Variants in ATRNL1 observed in about 807,000 individuals in gnomAD.
ATRNL1 encodes attractin-like protein 1.
ATRNL1 carries 95 observed loss-of-function variants against 182.7 expected under a neutral mutation model. The ratio of observed to expected loss-of-function variants is 0.52; its 90% CI spans 0.44 to 0.62. The LOEUF is 0.62. Ranked by LOEUF, ATRNL1 falls within the 20% of genes least tolerant of loss-of-function variation. The pLI is 0.00. For missense variants in ATRNL1, 1,471 were observed against 1,679.5 expected (o/e 0.88, Z 2.17); for synonymous variants, 576 against 568.3 (o/e 1.01, Z -0.19).
At position 115,302,058 on chromosome 10, in the gene ATRNL1, A is replaced by G. The variant is rs1254525099; in HGVS notation, c.2818+15A>G. On this transcript the variant is annotated intron_variant, in intron 17 of 28. Transcript: ENST00000355044. ...CACCTGCTCCCGTAAGTATTTATCT[A>G]GAGTGACTTTTCACTTGACAGCAAC... 2 of 1,582,314 alleles carry G rather than the reference A, an allele frequency of 1.3e-6. No individual in the cohort carries two copies. The highest frequency in any genetic ancestry group is 1.7e-6 in the Non-Finnish European group (2 of 1,160,524).
rs116240700 is a variant in ATRNL1 at position 115,190,461 on chromosome 10, T to G, written c.1348+19169T>G. ...CTTAACATTCTTTCACTGATGGATATATCAGTGCCTTAAAAGGCAGCCATT... is the reference window on the plus strand; with the variant it reads ...CTTAACATTCTTTCACTGATGGATAGATCAGTGCCTTAAAAGGCAGCCATT... On this transcript the variant is annotated intron_variant, in intron 8 of 28. Transcript: ENST00000355044. Among the ~76,000 whole-genome samples, 942 of 152,234 alleles carry G rather than the reference T, an allele frequency of 6.2e-3. 4 individuals are homozygous for G. Among genetic ancestry groups the G allele is most frequent in the African/African-American group, 0.02 (834 of 41,576 alleles).
chr10:115,829,899 T>G (rs1181531190), intron 27 of ATRNL1, among the ~76,000 whole-genome samples: 1 of 152,208 alleles, frequency 6.6e-6, no homozygotes, highest in Non-Finnish European at 1.5e-5. Flanking sequence ...TTTACATGAC[T>G]AATTTTAATT....
At chr10:115,669,811 A>G (rs1555040827) in intron 26 of ATRNL1, among the ~76,000 whole-genome samples, 1 of 152,146 alleles carries the variant, frequency 6.6e-6, no homozygotes, top group Non-Finnish European at 1.5e-5. Context: ...ATTCCCATAT[A>G]TGATGATGTT....
chr10:115,176,060 G>A (rs1021915268), intron 8 of ATRNL1, among the ~76,000 whole-genome samples: 2 of 152,192 alleles, frequency 1.3e-5, no homozygotes, highest in Non-Finnish European at 2.9e-5. Flanking sequence ...CTGATGGCCA[G>A]TGATGATGAG....
chr10:115,121,698 G>T lies in ATRNL1; in HGVS notation c.378-1G>T. On this transcript the variant is annotated splice_acceptor_variant, in intron 2 of 28. Coordinates refer to ENST00000355044, the MANE Select transcript of ATRNL1 (RefSeq NM_207303.4). LOFTEE classifies it high-confidence loss of function. Reference sequence around the variant, plus strand: ...GAAAAATATTTCATATTCATTTTCAGTCCAAATGCAGTGTTAAGATTAAGA... The same window carrying T: ...GAAAAATATTTCATATTCATTTTCATTCCAAATGCAGTGTTAAGATTAAGA... 1 of 1,400,092 alleles carries T rather than the reference G, an allele frequency of 7.1e-7. No individual in the cohort carries two copies. Among genetic ancestry groups the T allele is most frequent in the Non-Finnish European group, 9.8e-7 (1 of 1,025,140 alleles). The allele number at this position is 1,400,092 out of a possible 1,614,324, so 86.7% of individuals were successfully genotyped here. A position where few individuals can be genotyped will look rare whatever the true frequency, so the allele number is the denominator to read the frequency against.
At chr10:115,473,739 C>T (rs1554972561) in intron 24 of ATRNL1, among the ~76,000 whole-genome samples, 1 of 151,252 alleles carries the variant, frequency 6.6e-6, no homozygotes, top group African/African-American at 2.4e-5. Flanking sequence ...ATAATTGATT[C>T]AATCACCTTA....
chr10:115,943,430 T>C (rs558582583), intron 28 of ATRNL1, among the ~76,000 whole-genome samples: 115 of 152,292 alleles, frequency 7.6e-4, no homozygotes, highest in South Asian at 5.2e-3. Flanking sequence ...GTGCTCAGCA[T>C]CATATGTCAT....
chr10:115,463,288 C>G (rs1277003249), intron 22 of ATRNL1, among the ~76,000 whole-genome samples: 9 of 151,824 alleles, frequency 5.9e-5, no homozygotes, highest in Admixed American at 3.9e-4. Flanking sequence ...TTATGTTACT[C>G]TTTATTCCCT....
At chr10:115,782,821 G>T (rs1016752208) in intron 27 of ATRNL1, among the ~76,000 whole-genome samples, 1 of 152,098 alleles carries the variant, frequency 6.6e-6, no homozygotes. Context: ...CTATATAAAA[G>T]GGTTTCTAGG....
chr10:115,700,986 G>T (rs1946717298), intron 26 of ATRNL1, among the ~76,000 whole-genome samples: 1 of 151,940 alleles, frequency 6.6e-6, no homozygotes, highest in Admixed American at 6.6e-5. Context: ...AACTACACCT[G>T]TTAACCACAG....
Position 115,772,473 on chromosome 10 carries a change from G to T in ATRNL1, c.3903+45118G>T, listed in dbSNP as rs114565697. ...TTAGATGAAGCTCAAAAATGAAAAA[G>T]ATTTTAATGAAAAGCAAATGCAGTA... On this transcript the variant is annotated intron_variant, in intron 27 of 28. Coordinates refer to ENST00000355044, the MANE Select transcript of ATRNL1 (RefSeq NM_207303.4). 5.2e-3 allele frequency among the ~76,000 whole-genome samples: 784 copies of T among 152,012 alleles called. 2 individuals carry two copies. The highest frequency in any genetic ancestry group is 0.018 in the African/African-American group (730 of 41,476).
chr10:115,200,150 G>A (rs1195565368), intron 8 of ATRNL1, among the ~76,000 whole-genome samples: 2 of 151,390 alleles, frequency 1.3e-5, no homozygotes, highest in African/African-American at 4.8e-5. Flanking sequence ...TTTCATTTCT[G>A]CTGAATTTAG....
chr10:115,216,420 A>C, intron 9 of ATRNL1, among the ~76,000 whole-genome samples: 1 of 152,168 alleles, frequency 6.6e-6, no homozygotes, highest in East Asian at 1.9e-4. Flanking sequence ...CAACACTTGA[A>C]AATTGTGAGA....
intron 27 of ATRNL1, among the ~76,000 whole-genome samples, chr10:115,736,827 G>T (rs188294690): frequency 6.6e-6 from 1 of 152,060 alleles, no homozygotes; most frequent in African/African-American, 2.4e-5. Flanking sequence ...GAGTGCAGTG[G>T]CATGATCTCA....
chr10:115,477,755 T>G (rs1477036702), intron 24 of ATRNL1, among the ~76,000 whole-genome samples: 2 of 151,660 alleles, frequency 1.3e-5, no homozygotes, highest in African/African-American at 2.4e-5. Context: ...AATAAGACTA[T>G]CCTTCTGAAA....
intron 19 of ATRNL1, among the ~76,000 whole-genome samples, chr10:115,350,334 C>CAA (rs1424122017): frequency 0.017 from 517 of 29,690 alleles, 114 homozygotes; most frequent in African/African-American, 0.079. Context: ...GACTCTGTCT[C>CAA]AAAAAAAAAA....
At chr10:115,126,552 A>G (rs1410209672) in intron 3 of ATRNL1, among the ~76,000 whole-genome samples, 2 of 152,206 alleles carry the variant, frequency 1.3e-5, no homozygotes, top group African/African-American at 4.8e-5. Flanking sequence ...TTGCTTCACA[A>G]ACATAACCTA....
At chr10:115,919,351 G>C (rs946801102) in intron 28 of ATRNL1, among the ~76,000 whole-genome samples, 4 of 152,192 alleles carry the variant, frequency 2.6e-5, no homozygotes, top group Non-Finnish European at 5.9e-5. Context: ...TGTTCACTCA[G>C]CCCGGAGGAA....
At chr10:115,626,721 C>G (rs1220830119) in intron 26 of ATRNL1, among the ~76,000 whole-genome samples, 1 of 152,042 alleles carries the variant, frequency 6.6e-6, no homozygotes, top group African/African-American at 2.4e-5. Context: ...GGTGAATTGT[C>G]ACAGTAAAGA....
Sources: gnomAD v4.1 joint callset for allele counts (sites outside exome capture counted in the v4.1 genomes callset) on GRCh38, gnomAD v4.1.1 for gene constraint, MANE v1.5 for transcripts, NCBI Gene and HGNC (gene_info 2026-07-23, HGNC 2026-07-21) for gene names.